Variants in SLC44A5 observed in about 807,000 individuals in gnomAD.
SLC44A5 encodes the protein choline transporter-like protein 5.
In SLC44A5, 57 loss-of-function variants were observed where a neutral mutation model predicts 101.8. That is an observed-to-expected ratio of 0.56 (90% CI 0.45 to 0.70). SLC44A5 has a LOEUF of 0.70. SLC44A5 is among the 30% of genes least tolerant of loss of function. SLC44A5 has a pLI of 0.00. For synonymous variants in SLC44A5, 281 were observed against 290.9 expected (o/e 0.97, Z 0.35); for missense variants, 737 against 853.1 (o/e 0.86, Z 1.70).
At chr1:75,709,164 C>T in the SLC44A5 span, among the ~76,000 whole-genome samples, 1 of 152,196 alleles carries the variant, frequency 6.6e-6, no homozygotes, top group Non-Finnish European at 1.5e-5. Flanking sequence ...GTCCATGACT[C>T]TTTAACCTAT....
At chr1:75,336,167 A>T (rs939334628) in intron 4 of SLC44A5, among the ~76,000 whole-genome samples, 8 of 151,942 alleles carry the variant, frequency 5.3e-5, no homozygotes, top group Non-Finnish European at 7.4e-5. Flanking sequence ...TATTATTATT[A>T]TTTTTTGAGA....
rs896487458 is a variant in SLC44A5 at position 75,600,679 on chromosome 1, T to C, written c.-70+10361A>G. 2.6e-5 allele frequency among the ~76,000 whole-genome samples: 4 copies of C among 152,332 alleles called. No homozygotes were observed. In the South Asian group the frequency reaches 6.2e-4, roughly 24 times the overall value. On this transcript the variant is annotated intron_variant, in intron 1 of 23. Coordinates refer to ENST00000370859, the MANE Select transcript of SLC44A5 (RefSeq NM_001130058.2). ...TAAGATTATGATATTGTATTTTTAC[T>C]GTACCATTTTTATGTTAAGATATAC... is the stretch of plus-strand genomic sequence containing the variant.
At chr1:75,229,432 C>A (rs1319657936) in intron 12 of SLC44A5, among the ~76,000 whole-genome samples, 1 of 152,104 alleles carries the variant, frequency 6.6e-6, no homozygotes, top group Non-Finnish European at 1.5e-5. Context: ...ACTCAGTACA[C>A]CCATCCACAC....
chr1:75,640,025 G>A, the SLC44A5 span, among the ~76,000 whole-genome samples: 1 of 152,066 alleles, frequency 6.6e-6, no homozygotes, highest in East Asian at 1.9e-4. Context: ...TACTGAAAGG[G>A]GGAAAAGGCC....
the SLC44A5 span, among the ~76,000 whole-genome samples, chr1:75,634,814 G>A: frequency 6.6e-6 from 1 of 151,916 alleles, no homozygotes; most frequent in Admixed American, 6.6e-5. Context: ...TTGATAAATG[G>A]GATCTAATTA....
chr1:75,213,770 TGAA>T lies in SLC44A5; in HGVS notation c.1894_1896del (p.Phe632del), dbSNP rs767149506. On this transcript the variant is annotated inframe_deletion, in exon 22 of 24. Coordinates refer to ENST00000370859, the MANE Select transcript of SLC44A5 (RefSeq NM_001130058.2). ...TGTGCAATCACTGGCAGTCTTTGTG[TGAA>T]GAATAGGAAGGCCAGAACACCTACA... 1.8e-5 allele frequency: 29 copies of T among 1,612,736 alleles called. No homozygotes were observed. Among genetic ancestry groups the T allele is most frequent in the Non-Finnish European group, 2.5e-5 (29 of 1,179,074 alleles).
At chr1:75,615,750 G>A (rs899108118), upstream of SLC44A5, 6 of 669,536 alleles carry the variant, frequency 9.0e-6, no homozygotes, top group African/African-American at 2.0e-5. Flanking sequence ...TCCCCGGCAG[G>A]AGCCTTCCAC....
At chr1:75,549,702 A>G (rs1224965742) in intron 1 of SLC44A5, among the ~76,000 whole-genome samples, 3 of 152,198 alleles carry the variant, frequency 2.0e-5, no homozygotes, top group Non-Finnish European at 2.9e-5. Flanking sequence ...TGAGAAAAGC[A>G]TCAGGAAGGA....
intron 2 of SLC44A5, among the ~76,000 whole-genome samples, chr1:75,397,367 A>G (rs570850068): frequency 6.6e-6 from 1 of 152,260 alleles, no homozygotes; most frequent in African/African-American, 2.4e-5. Flanking sequence ...AATTAGAGCT[A>G]TTGAAAAGAA....
intron 2 of SLC44A5, among the ~76,000 whole-genome samples, chr1:75,418,543 G>A (rs1663804999): frequency 6.6e-6 from 1 of 152,088 alleles, no homozygotes; most frequent in South Asian, 2.1e-4. Context: ...AAGAGAAAAT[G>A]GGGAAAGCAT....
the SLC44A5 span, among the ~76,000 whole-genome samples, chr1:75,717,347 A>G: frequency 6.6e-6 from 1 of 151,838 alleles, no homozygotes; most frequent in Admixed American, 6.6e-5. Flanking sequence ...TCTCAAAAAA[A>G]AAAAAAAGGA....
At chr1:75,552,698 A>G (rs545833484) in intron 1 of SLC44A5, among the ~76,000 whole-genome samples, 3 of 151,382 alleles carry the variant, frequency 2.0e-5, no homozygotes, top group African/African-American at 7.3e-5. Flanking sequence ...CACAATAACT[A>G]ATTTAACAAA....
At chr1:75,273,949 G>A (rs980043681) in intron 6 of SLC44A5, among the ~76,000 whole-genome samples, 4 of 152,130 alleles carry the variant, frequency 2.6e-5, no homozygotes, top group East Asian at 1.9e-4. Flanking sequence ...TAGTAGGATC[G>A]GTACCAATTC....
intron 1 of SLC44A5, among the ~76,000 whole-genome samples, chr1:75,604,080 T>G (rs1675175979): frequency 6.6e-6 from 1 of 152,018 alleles, no homozygotes; most frequent in South Asian, 2.1e-4. Context: ...AGTCATAAAT[T>G]TTTCCCAAAG....
chr1:75,626,692 A>G, the SLC44A5 span, among the ~76,000 whole-genome samples: 2 of 152,014 alleles, frequency 1.3e-5, no homozygotes, highest in Non-Finnish European at 2.9e-5. Flanking sequence ...TCTCTGTTCT[A>G]GCAACGCCAC....
the SLC44A5 span, among the ~76,000 whole-genome samples, chr1:75,699,002 G>C: frequency 6.6e-6 from 1 of 152,220 alleles, no homozygotes. Flanking sequence ...ATGGGACTAT[G>C]TGAAAAGACC....
chr1:75,577,681 A>C (rs903593462), intron 1 of SLC44A5, among the ~76,000 whole-genome samples: 1 of 152,150 alleles, frequency 6.6e-6, no homozygotes, highest in Non-Finnish European at 1.5e-5. Context: ...TTTATTTATT[A>C]ATTTTAATTA....
the SLC44A5 span, among the ~76,000 whole-genome samples, chr1:75,657,530 T>A: frequency 2.0e-5 from 3 of 148,060 alleles, no homozygotes; most frequent in Non-Finnish European, 3.0e-5. Flanking sequence ...CCTGAGTGAC[T>A]GAGCAAGACT....
intron 5 of SLC44A5, among the ~76,000 whole-genome samples, chr1:75,278,151 G>A (rs1187771925): frequency 6.6e-6 from 1 of 151,884 alleles, no homozygotes; most frequent in Non-Finnish European, 1.5e-5. Context: ...ATATTTTAAA[G>A]ACATTATAAA....
Sources: allele counts gnomAD v4.1 joint callset (sites outside exome capture counted in the v4.1 genomes callset), GRCh38; gene constraint gnomAD v4.1.1; transcripts MANE v1.5; gene names NCBI Gene and HGNC (gene_info 2026-07-23, HGNC 2026-07-21).